NBPF26: variants seen among roughly 807,000 people sequenced by gnomAD.
NBPF26 encodes NBPF family member NBPF26.
In NBPF26, 79 loss-of-function variants were observed where a neutral mutation model predicts 119.6. That is an observed-to-expected ratio of 0.66 (90% confidence interval 0.55 to 0.80). The LOEUF is 0.80. Ranked by LOEUF, NBPF26 falls within the 30% of genes least tolerant of loss-of-function variation. The pLI is 0.00. For synonymous variants in NBPF26, 299 were observed against 457.7 expected, an observed-to-expected ratio of 0.65 and a Z score of 4.43; for missense variants, 800 against 1,198.2, an observed-to-expected ratio of 0.67 and a Z score of 4.91.
At chr1:120,755,947 T>G (rs1365524399) in intron 1 of NBPF26, among the ~76,000 whole-genome samples, 1 of 108,292 alleles carries the variant, frequency 9.2e-6, no homozygotes, top group Admixed American at 8.9e-5. Context: ...TTTTTTTTTT[T>G]TTTTTTTTCC....
intron 23 of NBPF26, among the ~76,000 whole-genome samples, chr1:120,833,224 G>A (rs1481620691): frequency 1.7e-5 from 2 of 115,876 alleles, no homozygotes; most frequent in Non-Finnish European, 3.3e-5. Context: ...CCACTGCATC[G>A]AATTTTGAGC....
At chr1:120,778,591 A>C (rs1245679007) in intron 2 of NBPF26, among the ~76,000 whole-genome samples, 1 of 31,946 alleles carries the variant, frequency 3.1e-5, no homozygotes, top group Admixed American at 3.3e-4. Context: ...TTTTTTTTTG[A>C]ATGGCCAAAT....
Position 120,724,205 on chromosome 1 carries a change from T to C in NBPF26, c.28T>C (p.Trp10Arg), listed in dbSNP as rs1182343978. ...GCCCGCCCTGCGTCCCGCTCTGCTG[T>C]GGGCGCTGCTGGCGCTCTGGCTGTG... is the stretch of plus-strand genomic sequence containing the variant. Residue 10 changes from tryptophan (W) to arginine (R), a missense_variant, in exon 1 of 30, where the codon TGG becomes CGG. Around this residue, in one of 13 missense-constraint regions of NBPF26, gnomAD observed 209 missense variants for 285.2 expected, o/e 0.73. Transcript: ENST00000620612. 14 of 1,404,238 alleles carry C rather than the reference T, an allele frequency of 1.0e-5. 5 individuals are homozygous for C. In the African/African-American group the frequency reaches 3.8e-4, roughly 38 times the overall value. 87.0% of individuals were successfully genotyped at this position (1,404,238 alleles called of 1,614,324 possible). A position where few individuals can be genotyped will look rare whatever the true frequency, so the allele number is the denominator to read the frequency against.
chr1:120,726,953 C>G (rs1650821640), intron 1 of NBPF26, among the ~76,000 whole-genome samples: 1 of 116,334 alleles, frequency 8.6e-6, no homozygotes, highest in African/African-American at 5.1e-5. Flanking sequence ...GACTTCAAGA[C>G]CTTTAGAGAA....
intron 3 of NBPF26, among the ~76,000 whole-genome samples, chr1:120,789,542 A>T (rs1651460337): frequency 9.3e-6 from 1 of 107,572 alleles, no homozygotes; most frequent in Admixed American, 9.1e-5. Context: ...AGACTTATTC[A>T]CTATCATGAG....
chr1:120,806,182 C>A (rs1478007996), intron 5 of NBPF26, among the ~76,000 whole-genome samples: 1 of 120,832 alleles, frequency 8.3e-6, no homozygotes, highest in Non-Finnish European at 1.7e-5. Flanking sequence ...ACAGGCAAAG[C>A]TCTGTTCTAG....
rs1249025903 is a variant in NBPF26 at position 120,792,479 on chromosome 1, T to C, written c.416-682T>C. The stretch of plus-strand genomic sequence containing the variant: ...AGTACAGTTGCCAAGATAGGGAGAG[T>C]TCACTAGGAAAACAGAAGGGAAGTT... On this transcript the variant is annotated intron_variant, in intron 3 of 29. Transcript: ENST00000620612. Among the ~76,000 whole-genome samples the C allele has an allele frequency of 5.2e-4, 51 of 98,156 alleles. 8 individuals are homozygous for C. The highest frequency in any genetic ancestry group is 8.6e-4 in the Non-Finnish European group (46 of 53,496). The allele number at this position is 98,156 out of a possible 152,430, so 64.4% of individuals were successfully genotyped here.
rs1650790368 is a variant in NBPF26, at chr1:120,724,317, C to T, written c.73+67C>T. 26 of 1,362,252 alleles carry T rather than the reference C, an allele frequency of 1.9e-5. 6 individuals are homozygous for T. The highest frequency in any genetic ancestry group is 1.5e-4 in the East Asian group (6 of 38,786). The allele number at this position is 1,362,252 out of a possible 1,614,324, so 84.4% of individuals were successfully genotyped here. ...CTGCCACCTGGGGCGACCCTTCTCC[C>T]CCTCAGTCCTTCTCTGTGTGGGAAG... On this transcript the variant is annotated intron_variant, in intron 1 of 29. Coordinates refer to ENST00000620612, the Ensembl canonical transcript of NBPF26.
At position 120,751,543 on chromosome 1, in the gene NBPF26, A is replaced by T. The variant is rs1451790480; in HGVS notation, c.74-12085A>T. ...GTGGAATTCCCTTAGGCTTCCAGAC[A>T]GGAGTGGCAACAAAGCAGATGAAAT... On this transcript the variant is annotated intron_variant, in intron 1 of 29. Coordinates refer to ENST00000620612, the Ensembl canonical transcript of NBPF26. Among the ~76,000 whole-genome samples the T allele has an allele frequency of 1.1e-4, 4 of 37,350 alleles. 1 individual carries two copies. Among genetic ancestry groups the T allele is most frequent in the African/African-American group, 3.4e-4 (4 of 11,604 alleles). The allele number at this position is 37,350 out of a possible 152,430, so 24.5% of individuals were successfully genotyped here. A position where few individuals can be genotyped will look rare whatever the true frequency, so the allele number is the denominator to read the frequency against.
rs1260446304 is a variant in NBPF26 at position 120,815,256 on chromosome 1, G to A, written c.2092+213G>A. On this transcript the variant is annotated intron_variant, in intron 12 of 29. Coordinates refer to ENST00000620612, the Ensembl canonical transcript of NBPF26. ...TTGCAAGTGTCCCTCCTTCCTTGAT[G>A]GAAGGTGGTCTTTGGAGCAAGAGGC... is the stretch of plus-strand genomic sequence containing the variant. 9.5e-5 allele frequency among the ~76,000 whole-genome samples: 11 copies of A among 115,606 alleles called. 4 individuals carry two copies. The highest frequency in any genetic ancestry group is 2.1e-4 in the African/African-American group (4 of 19,346). 75.8% of individuals were successfully genotyped at this position (115,606 alleles called of 152,430 possible). A position where few individuals can be genotyped will look rare whatever the true frequency, so the allele number is the denominator to read the frequency against.
Position 120,814,768 on chromosome 1 carries a change from A to G in NBPF26, c.1878-61A>G, listed in dbSNP as rs1229236790. The G allele has an allele frequency of 6.9e-5, 72 of 1,049,410 alleles. 12 individuals carry two copies. The highest frequency in any genetic ancestry group is 1.4e-4 in the East Asian group (6 of 42,896). The allele number at this position is 1,049,410 out of a possible 1,614,324, so 65.0% of individuals were successfully genotyped here. ...CATTGTCTCAGAAATCTCTGTTGCA[A>G]TATTTGAGCGGATCACTCAACCCTT... is the stretch of plus-strand genomic sequence containing the variant. On this transcript the variant is annotated intron_variant, in intron 11 of 29. Transcript: ENST00000620612.
In NBPF26 at chr1:120,814,683, T is replaced by C; in HGVS notation, c.1878-146T>C. 3.2e-6 allele frequency: 2 copies of C among 620,498 alleles called. 1 individual carries two copies. Among genetic ancestry groups the C allele is most frequent in the Non-Finnish European group, 5.6e-6 (2 of 354,022 alleles). The allele number at this position is 620,498 out of a possible 1,614,324, so 38.4% of individuals were successfully genotyped here. ...TGTAAACCATTTTCTATTCTTTCTC[T>C]TGGCCACAGACATTCCTTTAAACAT... is the stretch of plus-strand genomic sequence containing the variant. On this transcript the variant is annotated intron_variant, in intron 11 of 29. Coordinates refer to ENST00000620612, the Ensembl canonical transcript of NBPF26.
At position 120,793,185 on chromosome 1, in the gene NBPF26, C is replaced by A; in HGVS notation, c.440C>A (p.Ala147Asp). Residue 147 changes from alanine (A) to aspartate (D), a missense_variant, in exon 4 of 30, where the codon GCC (alanine) becomes GAC (aspartate). This residue lies in a region of NBPF26 where 209 missense variants were observed against 285.2 expected (regional missense o/e 0.73). Transcript: ENST00000620612. ...GGTAAGGAGTGCCAATGGACCGATG[C>A]CTGCCTGTCTCATCTCTGTGCAAAT... is the stretch of plus-strand genomic sequence containing the variant. 9.7e-6 allele frequency: 14 copies of A among 1,440,302 alleles called. 2 individuals are homozygous for A. The Middle Eastern group carries it at 7.1e-4, about 73-fold the overall frequency. The allele number at this position is 1,440,302 out of a possible 1,614,324, so 89.2% of individuals were successfully genotyped here. A position where few individuals can be genotyped will look rare whatever the true frequency, so the allele number is the denominator to read the frequency against.
At chr1:120,810,236 C>G in intron 8 of NBPF26, 111 bp from the exon 9 acceptor site, 1 of 1,342,948 alleles carries the variant, frequency 7.4e-7, no homozygotes, top group Non-Finnish European at 1.0e-6. Context: ...CTCCGTTTTG[C>G]TTTCTGGAAC....
chr1:120,840,514 A>G, exon 30 of NBPF26: 1 of 1,475,242 alleles, frequency 6.8e-7, no homozygotes. Flanking sequence ...TTCGCCCTTT[A>G]CGTGGACAAT....
chr1:120,825,299 CCT>C (rs1314587957), intron 18 of NBPF26, among the ~76,000 whole-genome samples: 2 of 122,000 alleles, frequency 1.6e-5, no homozygotes, highest in Admixed American at 1.5e-4. Flanking sequence ...CTCACTTTCT[CCT>C]CTCTCTCTCT....
intron 10 of NBPF26, among the ~76,000 whole-genome samples, 184 bp downstream of exon 10, chr1:120,812,279 T>A (rs1392607129): frequency 1.0e-5 from 1 of 97,102 alleles, no homozygotes; most frequent in Non-Finnish European, 1.9e-5. Flanking sequence ...TTAGCAACTT[T>A]CCATGTTTGC....
At chr1:120,727,981 C>T (rs1326474095) in intron 1 of NBPF26, among the ~76,000 whole-genome samples, 9 of 119,802 alleles carry the variant, frequency 7.5e-5, no homozygotes, top group Admixed American at 7.9e-5. Flanking sequence ...GCCACTGTTT[C>T]GGTCCTCCAT....
intron 8 of NBPF26, 147 bp downstream of exon 8, chr1:120,810,030 T>C: frequency 6.3e-6 from 8 of 1,277,216 alleles, no homozygotes; most frequent in Non-Finnish European, 8.8e-6. Context: ...AGACACAGGG[T>C]GCGGCAGCTG....
Sources: allele counts gnomAD v4.1 joint callset (sites outside exome capture counted in the v4.1 genomes callset), GRCh38; gene constraint gnomAD v4.1.1; regional missense constraint gnomAD v4.1.1; transcripts MANE v1.5; gene names NCBI Gene and HGNC (gene_info 2026-07-23, HGNC 2026-07-21).